Variants in ZFP1 observed in about 807,000 individuals in gnomAD.
ZFP1 encodes ZFP1 zinc finger protein.
A neutral mutation model predicts 38.5 loss-of-function variants in ZFP1; 32 were observed. The ratio of observed to expected loss-of-function variants is 0.83; its 90% CI spans 0.63 to 1.12. The LOEUF is 1.12. Ranked by LOEUF, ZFP1 falls within the 50% of genes most tolerant of loss-of-function variation. The pLI, the probability that ZFP1 is intolerant of heterozygous loss-of-function variation, is 0.00. For missense variants in ZFP1, 616 were observed against 480.8 expected, an observed-to-expected ratio of 1.28 and a Z score of -2.63; for synonymous variants, 245 against 168.8, an observed-to-expected ratio of 1.45 and a Z score of -3.50.
the ZFP1 span, among the ~76,000 whole-genome samples, chr16:75,142,896 T>G: frequency 5.3e-5 from 8 of 152,120 alleles, no homozygotes; most frequent in Admixed American, 4.6e-4. Context: ...GAGATGAGGT[T>G]TCACCATATT....
At chr16:75,145,952 T>C (rs1332029214), upstream of ZFP1, among the ~76,000 whole-genome samples, 1 of 152,122 alleles carries the variant, frequency 6.6e-6, no homozygotes, top group Non-Finnish European at 1.5e-5. Flanking sequence ...AGAGCATTAA[T>C]TGTAACACAC....
the ZFP1 span, among the ~76,000 whole-genome samples, chr16:75,136,081 G>A: frequency 1.3e-5 from 2 of 152,196 alleles, no homozygotes; most frequent in African/African-American, 4.8e-5. Flanking sequence ...CTCCCAAAGT[G>A]CTGGGATTAT....
chr16:75,169,113 G>A (rs541467910), intron 3 of ZFP1, 140 bp from the exon 4 acceptor site: 3 of 1,158,292 alleles, frequency 2.6e-6, no homozygotes, highest in Admixed American at 3.1e-5. Context: ...CATTTGCACT[G>A]GGAATTTTTT....
chr16:75,165,361 G>GT (rs1055369178), intron 2 of ZFP1, among the ~76,000 whole-genome samples: 2 of 152,130 alleles, frequency 1.3e-5, no homozygotes, highest in Admixed American at 6.5e-5. Flanking sequence ...TAGCTGTCAG[G>GT]TTTTTTGTAC....
the ZFP1 span, among the ~76,000 whole-genome samples, chr16:75,135,209 C>CAAAAAAAAAAAAAAAAAAAA: frequency 4.7e-4 from 7 of 14,960 alleles, 3 homozygotes; most frequent in Non-Finnish European, 8.0e-4. Flanking sequence ...GACCTTATCT[C>CAAAAAAAAAAAAAAAAAAAA]AAAAAAAAAA....
chr16:75,162,012 T>A (rs937620569), intron 2 of ZFP1, among the ~76,000 whole-genome samples: 7 of 151,358 alleles, frequency 4.6e-5, no homozygotes, highest in Non-Finnish European at 1.0e-4. Context: ...CTCGAACTCC[T>A]GACCTCATGT....
At chr16:75,164,413 C>G (rs1210358310) in intron 2 of ZFP1, among the ~76,000 whole-genome samples, 1 of 152,204 alleles carries the variant, frequency 6.6e-6, no homozygotes, top group African/African-American at 2.4e-5. Flanking sequence ...CTTCCTGCCA[C>G]AACTTCTAAG....
chr16:75,167,000 A>G (rs987559534), intron 3 of ZFP1, 104 bp downstream of exon 3: 1 of 1,520,870 alleles, frequency 6.6e-7, no homozygotes, highest in Non-Finnish European at 8.8e-7. Flanking sequence ...TTTTTGGCCT[A>G]AGTCCTCAGG....
intron 2 of ZFP1, among the ~76,000 whole-genome samples, chr16:75,161,214 G>T (rs555517592): frequency 3.3e-5 from 5 of 152,028 alleles, no homozygotes; most frequent in African/African-American, 1.2e-4. Context: ...ATTACAAGGT[G>T]TGCGCCACCA....
At chr16:75,136,200 C>A in the ZFP1 span, among the ~76,000 whole-genome samples, 1 of 152,134 alleles carries the variant, frequency 6.6e-6, no homozygotes, top group Admixed American at 6.5e-5. Context: ...CTAACTTTTT[C>A]TTTCTAAATG....
At chr16:75,147,340 C>G (rs1597024126), upstream of ZFP1, among the ~76,000 whole-genome samples, 1 of 152,050 alleles carries the variant, frequency 6.6e-6, no homozygotes, top group South Asian at 2.1e-4. Context: ...TGCAGTGGCA[C>G]AATCTTGGCT....
chr16:75,153,020 A>T, intron 2 of ZFP1, 54 bp downstream of exon 2: 1 of 1,600,948 alleles, frequency 6.2e-7, no homozygotes, highest in Non-Finnish European at 8.5e-7. Context: ...AAGGAAGTTT[A>T]TAAGGATCCA....
upstream of ZFP1, among the ~76,000 whole-genome samples, chr16:75,148,313 G>T (rs1044425615): frequency 6.6e-6 from 1 of 152,212 alleles, no homozygotes; most frequent in African/African-American, 2.4e-5. Flanking sequence ...TGGGAAAAAA[G>T]AAAACAGTGC....
At chr16:75,140,849 C>T in the ZFP1 span, among the ~76,000 whole-genome samples, 5 of 152,062 alleles carry the variant, frequency 3.3e-5, no homozygotes, top group African/African-American at 4.8e-5. Flanking sequence ...GTCCCAGCTA[C>T]TCGGAAGGCT....
At chr16:75,158,068 G>C (rs781356914) in intron 2 of ZFP1, among the ~76,000 whole-genome samples, 3 of 151,462 alleles carry the variant, frequency 2.0e-5, no homozygotes, top group Non-Finnish European at 2.9e-5. Context: ...GATTACAAAT[G>C]TGAACCACCA....
At chr16:75,135,701 A>G in the ZFP1 span, among the ~76,000 whole-genome samples, 2 of 152,270 alleles carry the variant, frequency 1.3e-5, no homozygotes, top group African/African-American at 4.8e-5. Flanking sequence ...ACCCTTCTGT[A>G]TGGTACTATA....
At chr16:75,133,297 G>A in the ZFP1 span, among the ~76,000 whole-genome samples, 1 of 151,864 alleles carries the variant, frequency 6.6e-6, no homozygotes, top group Non-Finnish European at 1.5e-5. Context: ...TTTTAGATTC[G>A]GGGGTACATG....
intron 2 of ZFP1, among the ~76,000 whole-genome samples, chr16:75,160,730 C>G (rs1015727504): frequency 6.6e-6 from 1 of 151,702 alleles, no homozygotes; most frequent in Non-Finnish European, 1.5e-5. Context: ...GATCAAGGTG[C>G]TGGTGAAGGC....
At chr16:75,163,839 G>C (rs914909019) in intron 2 of ZFP1, among the ~76,000 whole-genome samples, 5 of 152,080 alleles carry the variant, frequency 3.3e-5, no homozygotes, top group Non-Finnish European at 7.3e-5. Context: ...TCAAACTCCT[G>C]AGCTCAAGCA....
Sources: gnomAD v4.1 joint callset for allele counts (sites outside exome capture counted in the v4.1 genomes callset) on GRCh38, gnomAD v4.1.1 for gene constraint, MANE v1.5 for transcripts, NCBI Gene and HGNC (gene_info 2026-07-23, HGNC 2026-07-21) for gene names.